The following TSC22D1 variants were observed in gnomAD, a reference collection of about 807,000 sequenced individuals.
The protein encoded by TSC22D1 is TSC22 domain family member 1, also known as TSC22 domain family protein 1.
A neutral mutation model predicts 74.2 loss-of-function variants in TSC22D1; 9 were observed. The observed-to-expected ratio is 0.12, with a 90% CI of 0.07 to 0.21. TSC22D1 has a LOEUF of 0.21. Among genes scored for constraint, TSC22D1 ranks in the 10% least tolerant of loss-of-function variants. The probability of loss-of-function intolerance (pLI) is 1.00; values close to 1 mark genes in which losing one functional copy is unlikely to be tolerated. For synonymous variants in TSC22D1, 586 were observed against 492.5 expected (o/e 1.19, Z -2.51); for missense variants, 1,427 against 1,304.7 (o/e 1.09, Z -1.44).
In TSC22D1 at chr13:44,460,822, G is replaced by A. The variant is rs535267093; in HGVS notation, c.2913-24727C>T. ...CTTAATTCACAAACATCTTGTGCCT[G>A]GCATTATAGTAGTTACTGGGCTTCT... On this transcript the variant is annotated intron_variant, in intron 1 of 2. Transcript: ENST00000458659. Among the ~76,000 whole-genome samples, 205 of 152,286 alleles carry A rather than the reference G, an allele frequency of 1.3e-3. 2 individuals are homozygous for A. The highest frequency in any genetic ancestry group is 4.5e-3 in the African/African-American group (189 of 41,560).
At chr13:44,443,246 A>G (rs1875353899) in intron 1 of TSC22D1, among the ~76,000 whole-genome samples, 2 of 151,944 alleles carry the variant, frequency 1.3e-5, no homozygotes, top group South Asian at 2.1e-4. Context: ...AAAGAATGAT[A>G]GCCGACTTCT....
chr13:44,484,672 T>A (rs1171307826), intron 1 of TSC22D1, among the ~76,000 whole-genome samples: 1 of 152,120 alleles, frequency 6.6e-6, no homozygotes, highest in Non-Finnish European at 1.5e-5. Context: ...TAGAAGTAAA[T>A]CTAAGTATAG....
At position 44,548,352 on chromosome 13, in the gene TSC22D1, A is replaced by G. The variant is rs899613499; in HGVS notation, c.2912+24811T>C. Among the ~76,000 whole-genome samples the G allele has an allele frequency of 2.0e-5, 3 of 152,246 alleles. No individual in the cohort carries two copies. In the East Asian group the frequency reaches 5.8e-4, roughly 29 times the overall value. On this transcript the variant is annotated intron_variant, in intron 1 of 2. Coordinates refer to ENST00000458659, the MANE Select transcript of TSC22D1 (RefSeq NM_183422.4). The stretch of plus-strand genomic sequence containing the variant: ...GCCAACATGGCGAAACCCCGTCTCT[A>G]CTAAAATAGAGACACGTCACTGCAC...
chr13:44,478,112 T>C (rs573227684), intron 1 of TSC22D1, among the ~76,000 whole-genome samples: 1 of 152,164 alleles, frequency 6.6e-6, no homozygotes, highest in East Asian at 1.9e-4. Context: ...TTGGGAAAAC[T>C]AGGAGAAAAT....
At chr13:44,441,144 T>G (rs571031799) in intron 1 of TSC22D1, among the ~76,000 whole-genome samples, 1 of 152,140 alleles carries the variant, frequency 6.6e-6, no homozygotes, top group African/African-American at 2.4e-5. Flanking sequence ...ATCAGCAGGC[T>G]GGAGTGCAGG....
intron 1 of TSC22D1, among the ~76,000 whole-genome samples, chr13:44,495,157 A>G (rs1455239486): frequency 3.9e-5 from 6 of 152,184 alleles, no homozygotes; most frequent in African/African-American, 1.4e-4. Context: ...GAGTTCCAGA[A>G]GGAAAGAATA....
intron 1 of TSC22D1, among the ~76,000 whole-genome samples, chr13:44,560,923 A>G (rs1566176080): frequency 6.6e-6 from 1 of 152,220 alleles, no homozygotes; most frequent in Non-Finnish European, 1.5e-5. Context: ...CCTGACGTCA[A>G]CTTACATGCC....
At chr13:44,451,895 C>G (rs1443264720) in intron 1 of TSC22D1, among the ~76,000 whole-genome samples, 3 of 152,198 alleles carry the variant, frequency 2.0e-5, no homozygotes, top group Non-Finnish European at 4.4e-5. Context: ...CATGGCTGAC[C>G]GAGGAGAGGA....
At chr13:44,513,488 T>C (rs958286501) in intron 1 of TSC22D1, among the ~76,000 whole-genome samples, 4 of 152,236 alleles carry the variant, frequency 2.6e-5, no homozygotes, top group African/African-American at 9.6e-5. Context: ...CCTGTGACTT[T>C]TTTTGATAAC....
intron 1 of TSC22D1, among the ~76,000 whole-genome samples, chr13:44,530,863 G>A (rs140101452): frequency 6.6e-6 from 1 of 152,264 alleles, no homozygotes; most frequent in African/African-American, 2.4e-5. Flanking sequence ...TGAGAATGTG[G>A]AGCAACAGAA....
rs760189961 is a variant in TSC22D1 at position 44,468,002 on chromosome 13, GCA to G, written c.2913-31909_2913-31908del. On this transcript the variant is annotated intron_variant, in intron 1 of 2. Transcript: ENST00000458659. ...ATGGGATCAACCTATACACACACGC[GCA>G]CACACACACACACACACAATGGAAT... Among the ~76,000 whole-genome samples, 19 of 149,596 alleles carry G rather than the reference GCA, an allele frequency of 1.3e-4. No individual in the cohort carries two copies. The South Asian group carries it at 4.0e-3, about 32-fold the overall frequency.
intron 1 of TSC22D1, among the ~76,000 whole-genome samples, chr13:44,472,075 T>C (rs1297318389): frequency 2.6e-5 from 4 of 152,240 alleles, no homozygotes; most frequent in Non-Finnish European, 4.4e-5. Context: ...AATGCTGGCA[T>C]ATTGTTATAA....
At chr13:44,546,847 A>G (rs1020536503) in intron 1 of TSC22D1, among the ~76,000 whole-genome samples, 6 of 151,740 alleles carry the variant, frequency 4.0e-5, no homozygotes, top group African/African-American at 1.5e-4. Context: ...ATCGTGGCTC[A>G]CTGCAATGTC....
chr13:44,436,384 C>T (rs1874628425), intron 1 of TSC22D1: 1 of 1,304,952 alleles, frequency 7.7e-7, no homozygotes, highest in South Asian at 1.4e-5. Flanking sequence ...CGAAAAACAA[C>T]ATCCATGTCA....
At chr13:44,454,658 TTAC>T (rs1163630834) in intron 1 of TSC22D1, among the ~76,000 whole-genome samples, 1 of 152,214 alleles carries the variant, frequency 6.6e-6, no homozygotes, top group Non-Finnish European at 1.5e-5. Context: ...TTGATTAGAC[TTAC>T]TACTTGTCAG....
At chr13:44,565,627 A>G (rs1431400231) in intron 1 of TSC22D1, among the ~76,000 whole-genome samples, 1 of 152,216 alleles carries the variant, frequency 6.6e-6, no homozygotes, top group East Asian at 1.9e-4. Context: ...CAACCTTAAC[A>G]AAAGTGAGAC....
chr13:44,564,455 G>T (rs548624026), intron 1 of TSC22D1, among the ~76,000 whole-genome samples: 3 of 152,302 alleles, frequency 2.0e-5, no homozygotes, highest in African/African-American at 7.2e-5. Flanking sequence ...CTCTCAAAAA[G>T]TGAGTTTAGC....
chr13:44,543,732 G>A (rs1312890861), intron 1 of TSC22D1, among the ~76,000 whole-genome samples: 5 of 152,164 alleles, frequency 3.3e-5, no homozygotes, highest in Non-Finnish European at 7.3e-5. Flanking sequence ...TCAAGTGGCC[G>A]ATATCTAAAG....
chr13:44,496,961 G>A (rs1879007094), intron 1 of TSC22D1, among the ~76,000 whole-genome samples: 2 of 152,090 alleles, frequency 1.3e-5, no homozygotes, highest in Non-Finnish European at 1.5e-5. Context: ...TCATACAATG[G>A]TGAGAGTGTA....
Sources: gnomAD v4.1 joint callset for allele counts (sites outside exome capture counted in the v4.1 genomes callset) on GRCh38, gnomAD v4.1.1 for gene constraint, MANE v1.5 for transcripts, NCBI Gene and HGNC (gene_info 2026-07-23, HGNC 2026-07-21) for gene names.